PKHD1L1: variants seen among roughly 807,000 people sequenced by gnomAD.
PKHD1L1 encodes the protein fibrocystin-L.
A neutral mutation model predicts 462.9 loss-of-function variants in PKHD1L1; 434 were observed. That is an observed-to-expected ratio of 0.94 (90% CI 0.87 to 1.02). The LOEUF is 1.02. Ranked by LOEUF, PKHD1L1 falls within the 50% of genes least tolerant of loss-of-function variation. The probability of loss-of-function intolerance (pLI) is 0.00; values close to 1 mark genes in which losing one functional copy is unlikely to be tolerated. For synonymous variants in PKHD1L1, 1,781 were observed against 1,750.0 expected (o/e 1.02, Z -0.44); for missense variants, 5,202 against 5,096.1 (o/e 1.02, Z -0.63).
chr8:109,436,926 A>G (rs1342465526), intron 30 of PKHD1L1, among the ~76,000 whole-genome samples: 1 of 152,130 alleles, frequency 6.6e-6, no homozygotes, highest in Non-Finnish European at 1.5e-5. Context: ...GGAATACTTT[A>G]TTTTTCCTGA....
chr8:109,499,463 T>C (rs1300881378), intron 67 of PKHD1L1, among the ~76,000 whole-genome samples: 1 of 152,206 alleles, frequency 6.6e-6, no homozygotes, highest in Non-Finnish European at 1.5e-5. Context: ...AGCAACACTT[T>C]TAAGTGTTAA....
In PKHD1L1 at chr8:109,522,784, A is replaced by G; in HGVS notation, c.12224A>G (p.His4075Arg). Residue 4075 changes from histidine to arginine, a missense_variant, in exon 75 of 78, where the codon CAT becomes CGT. This residue lies in a region of PKHD1L1 where 698 missense variants were observed against 736.3 expected (regional missense o/e 0.95). Coordinates refer to ENST00000378402, the MANE Select transcript of PKHD1L1 (RefSeq NM_177531.6). ...GTTGAAAGGTCTGCATTTCCTGTTC[A>G]TCACGTGGCCTTCGTGTCCTCACTC... Reference protein sequence around the residue: ...QPVERSAFPVHHVAFVSSLLV... With the variant: ...QPVERSAFPVRHVAFVSSLLV... 3 of 1,612,148 alleles carry G rather than the reference A, an allele frequency of 1.9e-6. No homozygotes were observed. Among genetic ancestry groups the G allele is most frequent in the Non-Finnish European group, 2.5e-6 (3 of 1,179,482 alleles).
intron 62 of PKHD1L1, 24 bp downstream of exon 62, chr8:109,492,018 A>C: frequency 7.0e-7 from 1 of 1,427,022 alleles, no homozygotes. Context: ...ACTTATAATT[A>C]TACTAATTTA....
chr8:109,454,139 A>G, intron 43 of PKHD1L1, 28 bp from the exon 44 acceptor site: 2 of 1,463,502 alleles, frequency 1.4e-6, no homozygotes, highest in South Asian at 2.5e-5. Flanking sequence ...TTTCCTTGTG[A>G]TGTATTTCAA....
At chr8:109,417,550 T>C (rs1814243879) in intron 21 of PKHD1L1, among the ~76,000 whole-genome samples, 1 of 152,132 alleles carries the variant, frequency 6.6e-6, no homozygotes, top group South Asian at 2.1e-4. Context: ...CAGGTATTTC[T>C]TTTTTTCTTT....
chr8:109,367,647 C>T (rs1244007629), intron 2 of PKHD1L1, among the ~76,000 whole-genome samples: 1 of 152,252 alleles, frequency 6.6e-6, no homozygotes, highest in East Asian at 1.9e-4. Context: ...CTTTGGGAAG[C>T]TAAGGCAGAA....
chr8:109,497,883 C>T (rs1021280126), intron 65 of PKHD1L1, among the ~76,000 whole-genome samples: 12 of 152,068 alleles, frequency 7.9e-5, no homozygotes. Context: ...GCCTACTGTT[C>T]CCTGGATGTA....
At chr8:109,467,628 A>G (rs562191798) in intron 50 of PKHD1L1, among the ~76,000 whole-genome samples, 1 of 152,064 alleles carries the variant, frequency 6.6e-6, no homozygotes, top group African/African-American at 2.4e-5. Flanking sequence ...CTGTATCTCT[A>G]TCTCTTTATC....
At chr8:109,503,172 G>C (rs1819513885) in intron 67 of PKHD1L1, among the ~76,000 whole-genome samples, 1 of 152,126 alleles carries the variant, frequency 6.6e-6, no homozygotes, top group African/African-American at 2.4e-5. Flanking sequence ...GCCAGTCATG[G>C]TGGCAGGCAC....
Position 109,444,733 on chromosome 8 carries a change from C to T in PKHD1L1, c.4864C>T (p.Gln1622Ter). 1 of 1,613,926 alleles carries T rather than the reference C, an allele frequency of 6.2e-7. No homozygotes were observed. The highest frequency in any genetic ancestry group is 8.5e-7 in the Non-Finnish European group (1 of 1,179,856). Residue 1622 changes from glutamine (Q) to a stop codon, truncating the protein, a stop_gained, in exon 38 of 78, where the codon CAA (glutamine) becomes TAA (stop). Coordinates refer to ENST00000378402, the MANE Select transcript of PKHD1L1 (RefSeq NM_177531.6). LOFTEE classifies it high-confidence loss of function. ...TTCAATTACATGTCATATTGACCCT[C>T]AAAACTCAATGGATGTTGGTATCAG... ...EDSITCHIDPQNSMDVGIRET... is the reference protein window; with the variant it reads ...EDSITCHIDP
At chr8:109,486,982 C>T (rs1037533156) in intron 59 of PKHD1L1, among the ~76,000 whole-genome samples, 161 bp downstream of exon 59, 2 of 151,924 alleles carry the variant, frequency 1.3e-5, no homozygotes, top group Non-Finnish European at 2.9e-5. Context: ...CAAGTAAATT[C>T]TCTTAAATTA....
intron 19 of PKHD1L1, among the ~76,000 whole-genome samples, 179 bp downstream of exon 19, chr8:109,410,157 C>T (rs1216778379): frequency 6.6e-6 from 1 of 152,020 alleles, no homozygotes; most frequent in Non-Finnish European, 1.5e-5. Context: ...TTGGTACTGC[C>T]GTCTATGATT....
chr8:109,387,905 G>C (rs1380062005), intron 6 of PKHD1L1, among the ~76,000 whole-genome samples: 1 of 152,098 alleles, frequency 6.6e-6, no homozygotes, highest in Admixed American at 6.6e-5. Flanking sequence ...ATAGCATCAG[G>C]TACTATCAGC....
rs1325009620 is a variant in PKHD1L1 at position 109,533,657 on chromosome 8, C to T, written c.*3567C>T. 1.3e-5 allele frequency among the ~76,000 whole-genome samples: 2 copies of T among 152,072 alleles called. No individual in the cohort carries two copies. Among genetic ancestry groups the T allele is most frequent in the African/African-American group, 4.8e-5 (2 of 41,388 alleles). On this transcript the variant is annotated 3_prime_UTR_variant, in exon 78 of 78. Coordinates refer to ENST00000378402, the MANE Select transcript of PKHD1L1 (RefSeq NM_177531.6). ...GCATCCCTTTGCCTTTTCTTCATCCCTTTCTGTTTTTCCAGCTACATGGAG... is the reference window on the plus strand; with the variant it reads ...GCATCCCTTTGCCTTTTCTTCATCCTTTTCTGTTTTTCCAGCTACATGGAG...
At chr8:109,452,357 T>A in intron 42 of PKHD1L1, 77 bp downstream of exon 42, 2 of 1,295,720 alleles carry the variant, frequency 1.5e-6, no homozygotes, top group Admixed American at 5.6e-5. Context: ...TGGTAATTGT[T>A]GTTTTACTTT....
At chr8:109,469,738 A>G (rs1367400074) in intron 50 of PKHD1L1, among the ~76,000 whole-genome samples, 1 of 152,164 alleles carries the variant, frequency 6.6e-6, no homozygotes, top group African/African-American at 2.4e-5. Context: ...TTAATAATAT[A>G]AACCCAGAAA....
chr8:109,429,142 AT>A (rs1036507997), intron 25 of PKHD1L1, among the ~76,000 whole-genome samples, 197 bp from the exon 26 acceptor site: 1 of 151,920 alleles, frequency 6.6e-6, no homozygotes, highest in Non-Finnish European at 1.5e-5. Flanking sequence ...AATGGTCTTA[AT>A]TTTTTTTCTT....
At chr8:109,386,477 T>C (rs762770336) in intron 6 of PKHD1L1, among the ~76,000 whole-genome samples, 1 of 152,182 alleles carries the variant, frequency 6.6e-6, no homozygotes, top group Non-Finnish European at 1.5e-5. Flanking sequence ...GAGGTATATA[T>C]ACACACACAT....
At chr8:109,372,490 C>T (rs1025939973) in intron 2 of PKHD1L1, among the ~76,000 whole-genome samples, 17 of 152,158 alleles carry the variant, frequency 1.1e-4, no homozygotes, top group Admixed American at 2.0e-4. Flanking sequence ...ATTGAATGCC[C>T]TTTATTTCCT....
Sources: gnomAD v4.1 joint callset for allele counts (sites outside exome capture counted in the v4.1 genomes callset) on GRCh38, gnomAD v4.1.1 for gene constraint, gnomAD v4.1.1 regional missense constraint, MANE v1.5 for transcripts, NCBI Gene and HGNC (gene_info 2026-07-23, HGNC 2026-07-21) for gene names.